Variants in TRPM1 observed in about 807,000 individuals in gnomAD.
TRPM1 encodes TRPM1-203 APA Isoform, Intron 10.
Under a neutral mutation model 149.4 loss-of-function variants are expected in TRPM1, and 113 were observed. That is an observed-to-expected ratio of 0.76 (90% CI 0.65 to 0.88). The LOEUF (loss-of-function observed/expected upper bound fraction) is 0.88, where lower values mean the gene tolerates loss of function less well. TRPM1 is among the 40% of genes least tolerant of loss of function. The probability of loss-of-function intolerance (pLI) is 0.00; values close to 1 mark genes in which losing one functional copy is unlikely to be tolerated. For missense variants in TRPM1, 1,976 were observed against 2,038.7 expected (o/e 0.97, Z 0.59); for synonymous variants, 741 against 759.5 (o/e 0.98, Z 0.40).
upstream of TRPM1, chr15:31,101,876 A>G (rs2035524828): frequency 4.0e-6 from 1 of 248,884 alleles, no homozygotes; most frequent in Non-Finnish European, 6.4e-6. Context: ...CCAAGCTTCC[A>G]GGCTGTTCTG....
chr15:31,047,421 G>C (rs1421802328), intron 14 of TRPM1, among the ~76,000 whole-genome samples, 170 bp from the exon 15 acceptor site: 3 of 152,204 alleles, frequency 2.0e-5, no homozygotes, highest in African/African-American at 7.2e-5. Flanking sequence ...TCTATCCCTT[G>C]ATAACAAGGT....
chr15:31,111,929 T>C (rs1461353338), intron 1 of TRPM1, among the ~76,000 whole-genome samples: 1 of 152,066 alleles, frequency 6.6e-6, no homozygotes, highest in African/African-American at 2.4e-5. Flanking sequence ...ACCTAGTAAA[T>C]CGCAGTGAAA....
At position 31,032,690 on chromosome 15, in the gene TRPM1, A is replaced by G. The variant is rs2033144757; in HGVS notation, c.2951T>C (p.Met984Thr). The stretch of plus-strand genomic sequence containing the variant: ...TACCCACAGGATGCCACTACTAACC[A>G]TCTTTCCAATCATCATCACGTATGG... ...LGPYVMMIGK[M>T]MIDMLYFVVI... Residue 984 changes from methionine (M) to threonine (T), a missense_variant and splice_region_variant, in exon 22 of 28, where the codon ATG becomes ACG. This residue lies in a region of TRPM1 where 1,332 missense variants were observed against 1,347.1 expected (regional missense o/e 0.99). Coordinates refer to ENST00000256552, the MANE Select transcript of TRPM1 (RefSeq NM_001252024.2). The G allele has an allele frequency of 4.3e-6, 7 of 1,614,094 alleles. No homozygotes were observed. Among genetic ancestry groups the G allele is most frequent in the Non-Finnish European group, 5.9e-6 (7 of 1,179,974 alleles).
chr15:31,113,897 A>G (rs2035759823), intron 1 of TRPM1, among the ~76,000 whole-genome samples: 1 of 152,236 alleles, frequency 6.6e-6, no homozygotes, highest in Non-Finnish European at 1.5e-5. Flanking sequence ...TTTGCTGGCT[A>G]ACGGGTGGGC....
chr15:31,089,239 C>A (rs987170226), intron 1 of TRPM1, among the ~76,000 whole-genome samples: 5 of 152,152 alleles, frequency 3.3e-5, no homozygotes, highest in African/African-American at 1.2e-4. Context: ...GCCAGCGTGT[C>A]CCCCACTGGG....
At chr15:31,111,170 C>T (rs1398172357) in intron 1 of TRPM1, among the ~76,000 whole-genome samples, 1 of 152,146 alleles carries the variant, frequency 6.6e-6, no homozygotes, top group Non-Finnish European at 1.5e-5. Flanking sequence ...GTAAAGGTTG[C>T]AGCTGGAGCT....
intron 1 of TRPM1, among the ~76,000 whole-genome samples, chr15:31,149,675 G>T (rs540156404): frequency 5.3e-5 from 8 of 152,002 alleles, no homozygotes; most frequent in Non-Finnish European, 1.2e-4. Flanking sequence ...ACCCGCCACC[G>T]CGCCTGGCTA....
At chr15:31,105,973 A>G (rs1372669371), upstream of TRPM1, among the ~76,000 whole-genome samples, 2 of 152,188 alleles carry the variant, frequency 1.3e-5, no homozygotes, top group African/African-American at 4.8e-5. Flanking sequence ...ATTTCCATGC[A>G]TTGTTTTAGG....
In TRPM1 at chr15:31,069,875, T is replaced by C. The variant is rs553152124; in HGVS notation, c.279+156A>G. 2.5e-6 allele frequency: 4 copies of C among 1,592,248 alleles called. No individual in the cohort carries two copies. The African/African-American group carries it at 4.0e-5, about 16-fold the overall frequency. Reference sequence around the variant, plus strand: ...TTCCAAGCCTCATGGCTAAAAGCCATGTGCACAGATATATCTCTTGGTTTT... The same window carrying C: ...TTCCAAGCCTCATGGCTAAAAGCCACGTGCACAGATATATCTCTTGGTTTT... On this transcript the variant is annotated intron_variant, in intron 4 of 27. Coordinates refer to ENST00000256552, the MANE Select transcript of TRPM1 (RefSeq NM_001252024.2).
chr15:31,062,539 C>A, intron 9 of TRPM1, 40 bp downstream of exon 9: 1 of 1,612,680 alleles, frequency 6.2e-7, no homozygotes, highest in South Asian at 1.1e-5. Flanking sequence ...ACATAATTCT[C>A]TCCACAGAGC....
intron 1 of TRPM1, among the ~76,000 whole-genome samples, chr15:31,099,983 GTC>G (rs984890215): frequency 1.3e-4 from 19 of 151,944 alleles, no homozygotes; most frequent in African/African-American, 4.4e-4. Context: ...GAGAAAATGT[GTC>G]TCATCTTCCT....
At chr15:31,113,811 G>T (rs1383198682) in intron 1 of TRPM1, among the ~76,000 whole-genome samples, 1 of 152,146 alleles carries the variant, frequency 6.6e-6, no homozygotes, top group African/African-American at 2.4e-5. Flanking sequence ...GTTAGCAACA[G>T]CAAGATTTAT....
intron 8 of TRPM1, 122 bp downstream of exon 8, chr15:31,062,996 C>G (rs1278294853): frequency 7.3e-7 from 1 of 1,362,152 alleles, no homozygotes; most frequent in Non-Finnish European, 1.0e-6. Flanking sequence ...GAGAGGAGAT[C>G]TAGCAAATCT....
chr15:31,117,500 T>C (rs1596083261), intron 1 of TRPM1, among the ~76,000 whole-genome samples: 1 of 147,194 alleles, frequency 6.8e-6, no homozygotes, highest in Non-Finnish European at 1.5e-5. Context: ...AAAAAAAAAA[T>C]AGCTGAGCAT....
chr15:31,131,691 T>A (rs1013643512), intron 1 of TRPM1, among the ~76,000 whole-genome samples: 1 of 151,878 alleles, frequency 6.6e-6, no homozygotes, highest in Non-Finnish European at 1.5e-5. Flanking sequence ...ACTGGAGGGG[T>A]CAGAGAGGGG....
intron 8 of TRPM1, 145 bp downstream of exon 8, chr15:31,062,968 GCTGAC>G: frequency 8.8e-7 from 1 of 1,141,402 alleles, no homozygotes; most frequent in Non-Finnish European, 1.3e-6. Flanking sequence ...TCCCCTGGAT[GCTGAC>G]CTGAGGAAAT....
intron 7 of TRPM1, 81 bp downstream of exon 7, chr15:31,065,995 G>A (rs1365477799): frequency 1.3e-6 from 2 of 1,517,566 alleles, no homozygotes; most frequent in Non-Finnish European, 9.0e-7. Flanking sequence ...AATCCCCTTG[G>A]GCAATCAATC....
chr15:31,115,265 A>G (rs995085809), intron 1 of TRPM1, among the ~76,000 whole-genome samples: 1 of 152,184 alleles, frequency 6.6e-6, no homozygotes, highest in Non-Finnish European at 1.5e-5. Flanking sequence ...CTAAAAAATA[A>G]TAATAATAGA....
rs142455365 is a variant in TRPM1 at position 31,076,324 on chromosome 15, G to T, written c.83+581C>A. On this transcript the variant is annotated intron_variant, in intron 3 of 27. Transcript: ENST00000256552. ...TATTGGACGAATGTATGGATAAATT[G>T]TTCCCCTTCCCCCAGACTCAGCCTC... Among the ~76,000 whole-genome samples the T allele has an allele frequency of 2.6e-3, 392 of 152,240 alleles. 1 individual carries two copies. The highest frequency in any genetic ancestry group is 8.8e-3 in the African/African-American group (364 of 41,534).
Sources: allele counts gnomAD v4.1 joint callset (sites outside exome capture counted in the v4.1 genomes callset), GRCh38; gene constraint gnomAD v4.1.1; regional missense constraint gnomAD v4.1.1; transcripts MANE v1.5; gene names NCBI Gene and HGNC (gene_info 2026-07-23, HGNC 2026-07-21).